RGS12: variants seen among roughly 807,000 people sequenced by gnomAD.
RGS12 encodes regulator of G protein signaling 12.
Under a neutral mutation model 120.1 loss-of-function variants are expected in RGS12, and 66 were observed. That is an observed-to-expected ratio of 0.55 (90% CI 0.45 to 0.67). RGS12 has a LOEUF of 0.67. RGS12 is among the 30% of genes least tolerant of loss of function. The pLI, the probability that RGS12 is intolerant of heterozygous loss-of-function variation, is 0.00. For synonymous variants in RGS12, 827 were observed against 804.7 expected, an observed-to-expected ratio of 1.03 and a Z score of -0.47; for missense variants, 1,859 against 1,957.7, an observed-to-expected ratio of 0.95 and a Z score of 0.95.
chr4:3,396,634 T>C (rs1720070626), intron 4 of RGS12, among the ~76,000 whole-genome samples: 3 of 152,240 alleles, frequency 2.0e-5, no homozygotes, highest in Admixed American at 6.5e-5. Context: ...TTGTCTATCA[T>C]TGGATCAGGA....
intron 4 of RGS12, among the ~76,000 whole-genome samples, chr4:3,393,812 TG>T (rs377128691): frequency 6.3e-4 from 96 of 152,330 alleles, no homozygotes; most frequent in Middle Eastern, 3.4e-3. Flanking sequence ...GGATGTGGTC[TG>T]TAAAGTTCAG....
At position 3,439,704 on chromosome 4, in the gene RGS12, C is replaced by T. The variant is rs1440373196; in HGVS notation, c.*20C>T. On this transcript the variant is annotated 3_prime_UTR_variant, in exon 18 of 18. Transcript: ENST00000336727. ...GTCTGAGCTGCCCTGGCCTGGCCAA[C>T]TCTCCTGTGGACATGTCGGGGTGGG... 1.4e-6 allele frequency: 2 copies of T among 1,480,896 alleles called. No individual in the cohort carries two copies. The highest frequency in any genetic ancestry group is 1.8e-6 in the Non-Finnish European group (2 of 1,113,140). The allele number at this position is 1,480,896 out of a possible 1,614,324, so 91.7% of individuals were successfully genotyped here. A position where few individuals can be genotyped will look rare whatever the true frequency, so the allele number is the denominator to read the frequency against.
intron 3 of RGS12, among the ~76,000 whole-genome samples, chr4:3,362,672 T>G (rs1406222230): frequency 2.4e-5 from 3 of 126,388 alleles, no homozygotes; most frequent in African/African-American, 9.4e-5. Context: ...TGAGGCTGAG[T>G]GTGAGGGTGA....
intron 2 of RGS12, among the ~76,000 whole-genome samples, chr4:3,320,014 C>G (rs1725073144): frequency 6.6e-6 from 1 of 152,250 alleles, no homozygotes; most frequent in Non-Finnish European, 1.5e-5. Flanking sequence ...GGAGATTCCT[C>G]ATCTCTTTGA....
At chr4:3,362,519 T>C (rs1323557831) in intron 3 of RGS12, among the ~76,000 whole-genome samples, 4 of 123,530 alleles carry the variant, frequency 3.2e-5, no homozygotes. Flanking sequence ...GATCAGTGTG[T>C]GTGAGGGTGT....
intron 1 of RGS12, among the ~76,000 whole-genome samples, chr4:3,309,644 G>A (rs73795505): frequency 9.7e-3 from 292 of 30,244 alleles, no homozygotes; most frequent in South Asian, 0.019. Context: ...GGAACCGTGT[G>A]GGGGAGGAGC....
chr4:3,322,491 G>C (rs1290698020), intron 2 of RGS12, among the ~76,000 whole-genome samples: 1 of 152,128 alleles, frequency 6.6e-6, no homozygotes, highest in Non-Finnish European at 1.5e-5. Context: ...CCAGGATCTC[G>C]AAATGCTTCT....
intron 17 of RGS12, chr4:3,431,262 G>T: frequency 8.1e-7 from 1 of 1,234,590 alleles, no homozygotes; most frequent in African/African-American, 1.6e-5. Context: ...CCCTGGGTGA[G>T]GCCTGGGGGT....
chr4:3,409,219 C>T (rs1331683628), intron 4 of RGS12, among the ~76,000 whole-genome samples: 2 of 152,190 alleles, frequency 1.3e-5, no homozygotes, highest in African/African-American at 4.8e-5. Flanking sequence ...CAGCATCTGC[C>T]TCTGCAGGAC....
intron 3 of RGS12, among the ~76,000 whole-genome samples, chr4:3,344,363 G>A (rs1056578813): frequency 1.3e-5 from 2 of 152,174 alleles, no homozygotes; most frequent in Non-Finnish European, 2.9e-5. Context: ...ACTCAAAAGG[G>A]GTGTGTGCTA....
Position 3,414,123 on chromosome 4 carries a change from G to A in RGS12, c.2072G>A (p.Ser691Asn), listed in dbSNP as rs1360656102. Residue 691 changes from serine to asparagine, a missense_variant, in exon 5 of 18, where the codon AGC becomes AAC. Physicochemically the swap from Ser to Asn is conservative, Grantham distance 46. This residue lies in a region of RGS12 where 967 missense variants were observed against 994.2 expected (regional missense o/e 0.97). Transcript: ENST00000336727. ...KDCVSNNSLS[S>N]NASLPSVQSC... ...TGCGTCAGCAACAACAGCCTGAGCA[G>A]CAATGCCAGCCTCCCCAGCGTGCAG... The A allele has an allele frequency of 1.9e-6, 3 of 1,572,008 alleles. No individual in the cohort carries two copies. Among genetic ancestry groups the A allele is most frequent in the Non-Finnish European group, 2.6e-6 (3 of 1,165,496 alleles).
chr4:3,365,108 C>T lies in RGS12; in HGVS notation c.1999-21308C>T, dbSNP rs554673248. Among the ~76,000 whole-genome samples the T allele has an allele frequency of 6.6e-6, 1 of 152,216 alleles. No homozygotes were observed. The highest frequency in any genetic ancestry group is 1.9e-4 in the East Asian group (1 of 5,164). On this transcript the variant is annotated intron_variant, in intron 3 of 17. Coordinates refer to ENST00000336727, the MANE Select transcript of RGS12 (RefSeq NM_001394154.1). This position sits in a 1 kb window ranked among gnomAD's most constrained non-coding sequence, Gnocchi z 4.0. ...CAGGTTCCCCGGGAGCTGTTGGAGC[C>T]AGGAGCCTGGGCTGGAGCCTGGGAG... is the stretch of plus-strand genomic sequence containing the variant.
chr4:3,346,166 A>AT (rs1261993368), intron 3 of RGS12, among the ~76,000 whole-genome samples: 1 of 152,194 alleles, frequency 6.6e-6, no homozygotes, highest in Admixed American at 6.5e-5. Context: ...ATTTAGAGCA[A>AT]TTTTATCATC....
chr4:3,325,537 G>C (rs763873669), intron 2 of RGS12, among the ~76,000 whole-genome samples: 7 of 152,148 alleles, frequency 4.6e-5, no homozygotes, highest in Non-Finnish European at 7.4e-5. Flanking sequence ...CAGTGAGATT[G>C]AATCAGTAAC....
At chr4:3,428,385 C>G in intron 15 of RGS12, 173 bp from the exon 16 acceptor site, 1 of 769,584 alleles carries the variant, frequency 1.3e-6, no homozygotes. Context: ...GTGGTTGTGC[C>G]TTAAATGCTA....
At chr4:3,339,091 C>T (rs962907531) in intron 2 of RGS12, among the ~76,000 whole-genome samples, 10 of 152,164 alleles carry the variant, frequency 6.6e-5, no homozygotes, top group African/African-American at 2.4e-4. Flanking sequence ...CCAAAGTGCA[C>T]AGTGCATCCA....
chr4:3,385,152 C>A, intron 3 of RGS12: 1 of 152,412 alleles, frequency 6.6e-6, no homozygotes. Context: ...CCCCAGTGAC[C>A]TCCACTTCTC....
chr4:3,416,325 A>G (rs908744326), intron 7 of RGS12, among the ~76,000 whole-genome samples: 3 of 152,210 alleles, frequency 2.0e-5, no homozygotes, highest in African/African-American at 7.2e-5. Context: ...GGGCCATGAA[A>G]TAAGTCCCGA....
At chr4:3,429,441 A>G (rs546051734) in intron 16 of RGS12, among the ~76,000 whole-genome samples, 2 of 152,328 alleles carry the variant, frequency 1.3e-5, no homozygotes, top group South Asian at 4.1e-4. Flanking sequence ...CGGTAAAACT[A>G]AAACACACCT....
Sources: gnomAD v4.1 joint callset for allele counts (sites outside exome capture counted in the v4.1 genomes callset) on GRCh38, gnomAD v4.1.1 for gene constraint, gnomAD v4.1.1 regional missense constraint, Gnocchi (gnomAD v3.1) non-coding constraint, MANE v1.5 for transcripts, NCBI Gene and HGNC (gene_info 2026-07-23, HGNC 2026-07-21) for gene names.